The following SIAH1 variants were observed in gnomAD, a reference collection of about 807,000 sequenced individuals.
SIAH1 encodes the protein E3 ubiquitin-protein ligase SIAH1.
In SIAH1, 2 loss-of-function variants were observed where a neutral mutation model predicts 20.0. That is an observed-to-expected ratio of 0.10 (90% CI 0.04 to 0.31). The LOEUF is 0.31. Ranked by LOEUF, SIAH1 falls within the 10% of genes least tolerant of loss-of-function variation. The pLI is 1.00. For synonymous variants in SIAH1, 118 were observed against 125.3 expected (o/e 0.94, Z 0.39); for missense variants, 119 against 355.3 (o/e 0.33, Z 5.35).
chr16:48,385,906 G>A (rs1207789730), upstream of SIAH1, among the ~76,000 whole-genome samples: 1 of 152,138 alleles, frequency 6.6e-6, no homozygotes, highest in Non-Finnish European at 1.5e-5. Context: ...AAAAGCGGCT[G>A]CCCTGCCCGC....
At chr16:48,372,452 T>G (rs1463967044) in intron 1 of SIAH1, among the ~76,000 whole-genome samples, 3 of 152,212 alleles carry the variant, frequency 2.0e-5, no homozygotes, top group Non-Finnish European at 4.4e-5. Context: ...ATATTTTACT[T>G]TCATGTTTTT....
intron 1 of SIAH1, among the ~76,000 whole-genome samples, chr16:48,376,767 G>A (rs868325291): frequency 3.3e-5 from 5 of 152,186 alleles, no homozygotes; most frequent in Middle Eastern, 3.2e-3. Context: ...GTATAGACAA[G>A]ATATCCGAAG....
chr16:48,376,357 C>T (rs1961109626), intron 1 of SIAH1, among the ~76,000 whole-genome samples: 1 of 152,150 alleles, frequency 6.6e-6, no homozygotes, highest in Admixed American at 6.5e-5. Flanking sequence ...AATTCAAGAG[C>T]TGATTTTCTC....
At chr16:48,373,758 G>C (rs1344377628) in intron 1 of SIAH1, among the ~76,000 whole-genome samples, 1 of 152,186 alleles carries the variant, frequency 6.6e-6, no homozygotes, top group Non-Finnish European at 1.5e-5. Flanking sequence ...ACCCATGTTA[G>C]AGTAAAAGCT....
chr16:48,361,892 C>T lies in SIAH1; in HGVS notation c.537G>A (p.Val179=), dbSNP rs372944565. The T allele has an allele frequency of 6.2e-7, 1 of 1,614,120 alleles. No homozygotes were observed. The highest frequency in any genetic ancestry group is 8.5e-7 in the Non-Finnish European group (1 of 1,180,006). Residue 179 remains valine, a synonymous_variant, in exon 2 of 2, where the codon GTG becomes GTA. Coordinates refer to ENST00000394725, the MANE Select transcript of SIAH1 (RefSeq NM_003031.4). ...DINLPGAVDW[V]MMQSCFGFHF... ...GAAAGCCAAAACAGGACTGCATCATCACCCAGTCAACAGCACCAGGAAGAT... is the reference window on the plus strand; with the variant it reads ...GAAAGCCAAAACAGGACTGCATCATTACCCAGTCAACAGCACCAGGAAGAT...
At chr16:48,378,248 G>A (rs559497720) in intron 1 of SIAH1, among the ~76,000 whole-genome samples, 5 of 152,196 alleles carry the variant, frequency 3.3e-5, no homozygotes, top group Non-Finnish European at 5.9e-5. Flanking sequence ...AGCTACTCGA[G>A]AGGCTGAGGC....
chr16:48,375,917 G>C (rs980627732), intron 1 of SIAH1, among the ~76,000 whole-genome samples: 3 of 152,248 alleles, frequency 2.0e-5, no homozygotes, highest in African/African-American at 7.2e-5. Flanking sequence ...GAGAGAGATG[G>C]GACCACTGAA....
chr16:48,368,858 T>G (rs1960912163), intron 1 of SIAH1, among the ~76,000 whole-genome samples: 1 of 152,212 alleles, frequency 6.6e-6, no homozygotes, highest in South Asian at 2.1e-4. Context: ...ATTACAAATT[T>G]GCTCTTTCCA....
At chr16:48,381,967 C>T (rs773142671) in intron 1 of SIAH1, among the ~76,000 whole-genome samples, 5 of 152,034 alleles carry the variant, frequency 3.3e-5, no homozygotes, top group Non-Finnish European at 5.9e-5. Flanking sequence ...AGGGGCTACA[C>T]GCGAAATCTC....
chr16:48,362,955 T>C lies in SIAH1; in HGVS notation c.-2-525A>G, dbSNP rs1960657477. On this transcript the variant is annotated intron_variant, in intron 1 of 1. Transcript: ENST00000394725. The surrounding 1 kb of genome is among the most constrained non-coding windows in gnomAD (Gnocchi z 4.2). ...CATGGATTGAAAATATTCAGAAAAA[T>C]TTATAAAGAATACAAAATTTTTAAA... 1 of 165,634 alleles carries C rather than the reference T, an allele frequency of 6.0e-6. No homozygotes were observed. 10.3% of individuals were successfully genotyped at this position (165,634 alleles called of 1,614,324 possible).
chr16:48,382,682 G>A (rs540917474), intron 1 of SIAH1, among the ~76,000 whole-genome samples: 3 of 152,290 alleles, frequency 2.0e-5, no homozygotes, highest in African/African-American at 7.2e-5. Flanking sequence ...TTTGTTGAAA[G>A]AGAGGGCTGT....
chr16:48,369,015 GTTAA>G (rs1487684437), intron 1 of SIAH1, among the ~76,000 whole-genome samples: 2 of 152,088 alleles, frequency 1.3e-5, no homozygotes, highest in African/African-American at 4.8e-5. Context: ...ACGTTAAAAT[GTTAA>G]TTAAACATTG....
chr16:48,363,267 A>C (rs1338001695), intron 1 of SIAH1: 1 of 166,952 alleles, frequency 6.0e-6, no homozygotes, highest in East Asian at 1.9e-4. Context: ...AAATGAGGGG[A>C]AGGGTCACAA....
intron 1 of SIAH1, chr16:48,365,690 C>T: frequency 7.0e-7 from 1 of 1,421,908 alleles, no homozygotes; most frequent in Non-Finnish European, 9.2e-7. Context: ...AGCTCAAATT[C>T]GACTGCATCT....
intron 1 of SIAH1, chr16:48,365,342 T>C: frequency 6.2e-7 from 1 of 1,609,760 alleles, no homozygotes; most frequent in South Asian, 1.1e-5. Context: ...ACTAATAGCG[T>C]TCAAGTTTCA....
At chr16:48,369,191 A>C (rs1960921949) in intron 1 of SIAH1, among the ~76,000 whole-genome samples, 1 of 152,202 alleles carries the variant, frequency 6.6e-6, no homozygotes, top group Non-Finnish European at 1.5e-5. Flanking sequence ...CAAAGCAATA[A>C]AATGATTTCT....
rs1713532839 is a variant in SIAH1, at chr16:48,362,331, T to C, written c.98A>G (p.Asn33Ser). Residue 33 changes from asparagine (N) to serine (S), a missense_variant, in exon 2 of 2, where the codon AAT becomes AGT. Around this residue, in one of 2 missense-constraint regions of SIAH1, gnomAD observed 35 missense variants for 47.5 expected, o/e 0.74. Coordinates refer to ENST00000394725, the MANE Select transcript of SIAH1 (RefSeq NM_003031.4). The surrounding 1 kb of genome is among the most constrained non-coding windows in gnomAD (Gnocchi z 4.2). The part of the protein sequence containing the change: ...PALTGTTASN[N>S]DLASLFECPV... The stretch of plus-strand genomic sequence containing the variant: ...ACACTCAAAAAGACTCGCCAAGTCA[T>C]TGTTGGATGCAGTTGTGCCAGTCAG... 1 of 1,614,110 alleles carries C rather than the reference T, an allele frequency of 6.2e-7. No individual in the cohort carries two copies. The highest frequency in any genetic ancestry group is 8.5e-7 in the Non-Finnish European group (1 of 1,180,020).
Position 48,360,740 on chromosome 16 carries a change from T to A in SIAH1, c.*840A>T, listed in dbSNP as rs1478539171. 2 of 152,614 alleles carry A rather than the reference T, an allele frequency of 1.3e-5. No individual in the cohort carries two copies. The highest frequency in any genetic ancestry group is 4.1e-4 in the South Asian group (2 of 4,830). The allele number at this position is 152,614 out of a possible 1,614,324, so 9.5% of individuals were successfully genotyped here. On this transcript the variant is annotated 3_prime_UTR_variant, in exon 2 of 2. Coordinates refer to ENST00000394725, the MANE Select transcript of SIAH1 (RefSeq NM_003031.4). ...CTGAAAAAGGAAACAAAAGCCTGAT[T>A]TGCAGTATTTATAAAAATCAATTTA...
chr16:48,379,785 C>T (rs764856357), intron 1 of SIAH1, among the ~76,000 whole-genome samples: 5 of 152,214 alleles, frequency 3.3e-5, no homozygotes, highest in African/African-American at 4.8e-5. Flanking sequence ...CAAAGAGCTT[C>T]TCAGCTAGTG....
Sources: allele counts gnomAD v4.1 joint callset (sites outside exome capture counted in the v4.1 genomes callset), GRCh38; gene constraint gnomAD v4.1.1; regional missense constraint gnomAD v4.1.1; non-coding constraint Gnocchi (gnomAD v3.1); transcripts MANE v1.5; gene names NCBI Gene and HGNC (gene_info 2026-07-23, HGNC 2026-07-21).